The following PRSS12 variants were observed in gnomAD, a reference collection of about 807,000 sequenced individuals.
PRSS12 encodes neurotrypsin.
In PRSS12, 85 loss-of-function variants were observed where a neutral mutation model predicts 104.4. That is an observed-to-expected ratio of 0.81 (90% CI 0.68 to 0.98). The LOEUF is 0.98. PRSS12 is among the 50% of genes least tolerant of loss of function. PRSS12 has a pLI of 0.00. For missense variants in PRSS12, 1,141 were observed against 1,139.2 expected (o/e 1.00, Z -0.02); for synonymous variants, 454 against 425.2 (o/e 1.07, Z -0.83).
intron 7 of PRSS12, among the ~76,000 whole-genome samples, chr4:118,308,987 A>G (rs1430965973): frequency 1.3e-5 from 2 of 152,162 alleles, no homozygotes; most frequent in Non-Finnish European, 2.9e-5. Context: ...CTAGAAGTTT[A>G]TACACCAAAG....
At chr4:118,285,710 T>C (rs1240249446) in intron 11 of PRSS12, among the ~76,000 whole-genome samples, 3 of 152,218 alleles carry the variant, frequency 2.0e-5, no homozygotes, top group Non-Finnish European at 4.4e-5. Flanking sequence ...GAATATTAAA[T>C]ATCTCAACTT....
intron 1 of PRSS12, among the ~76,000 whole-genome samples, chr4:118,348,681 C>T (rs1017111241): frequency 1.4e-5 from 2 of 142,456 alleles, no homozygotes; most frequent in Admixed American, 7.3e-5. Flanking sequence ...GACAGAGTTT[C>T]GCTCTTGTTG....
In PRSS12 at chr4:118,318,412, T is replaced by G; in HGVS notation, c.1116A>C (p.Lys372Asn). ...SSWGEHNCGH[K>N]EDAGVSCTPL... ...GGGTACAGGACACTCCAGCATCTTC[T>G]TTATGGCCACAGTTATGCTCTCCCC... The change falls in exon 5 of 13, where the codon AAA (lysine) becomes AAC (asparagine). Residue 372 changes from lysine (K) to asparagine (N), a missense_variant. Coordinates refer to ENST00000296498, the MANE Select transcript of PRSS12 (RefSeq NM_003619.4). The G allele has an allele frequency of 6.2e-7, 1 of 1,614,094 alleles. No homozygotes were observed. The highest frequency in any genetic ancestry group is 8.5e-7 in the Non-Finnish European group (1 of 1,179,976).
chr4:118,341,631 G>A (rs1035373044), intron 1 of PRSS12, among the ~76,000 whole-genome samples: 2 of 150,242 alleles, frequency 1.3e-5, no homozygotes, highest in South Asian at 2.1e-4. Flanking sequence ...GCGGCGAGCC[G>A]AGATCTCACC....
At chr4:118,288,031 A>G (rs1394240747) in intron 11 of PRSS12, among the ~76,000 whole-genome samples, 3 of 152,222 alleles carry the variant, frequency 2.0e-5, no homozygotes, top group African/African-American at 7.2e-5. Context: ...AACAACAACA[A>G]CAAATTACTA....
intron 11 of PRSS12, among the ~76,000 whole-genome samples, chr4:118,285,439 G>A (rs1010309952): frequency 2.6e-5 from 4 of 152,156 alleles, no homozygotes; most frequent in Middle Eastern, 3.4e-3. Flanking sequence ...AACCCCAAAT[G>A]ATTTAACACT....
chr4:118,314,511 A>G (rs1743850196), intron 6 of PRSS12, among the ~76,000 whole-genome samples: 1 of 152,100 alleles, frequency 6.6e-6, no homozygotes, highest in Admixed American at 6.6e-5. Flanking sequence ...AATACATTAG[A>G]TTATCATCTG....
rs1724560015 is a variant in PRSS12, at chr4:118,352,794, G to T, written c.-74C>A. 6.3e-7 allele frequency: 1 copy of T among 1,579,728 alleles called. No individual in the cohort carries two copies. Among genetic ancestry groups the T allele is most frequent in the Non-Finnish European group, 8.6e-7 (1 of 1,167,080 alleles). On this transcript the variant is annotated 5_prime_UTR_variant, in exon 1 of 13. Coordinates refer to ENST00000296498, the MANE Select transcript of PRSS12 (RefSeq NM_003619.4). ...TGGAGCGGAGAAGAGGAGGGGGCGG[G>T]GGCGGGGCTGCCGCGTCCCTCGAAT...
chr4:118,344,052 AG>A (rs1449945144), intron 1 of PRSS12, among the ~76,000 whole-genome samples: 1 of 152,206 alleles, frequency 6.6e-6, no homozygotes. Flanking sequence ...CTAGTGGAAT[AG>A]AAAGAATGCA....
intron 1 of PRSS12, among the ~76,000 whole-genome samples, chr4:118,339,251 T>C (rs1432996345): frequency 6.6e-6 from 1 of 152,158 alleles, no homozygotes; most frequent in African/African-American, 2.4e-5. Flanking sequence ...AAGAATTGCA[T>C]AAAATTCTGT....
chr4:118,326,262 C>T (rs1723767335), intron 4 of PRSS12, among the ~76,000 whole-genome samples: 1 of 152,168 alleles, frequency 6.6e-6, no homozygotes, highest in Non-Finnish European at 1.5e-5. Context: ...TCCTAGATTA[C>T]TCTCTAGAAA....
intron 8 of PRSS12, among the ~76,000 whole-genome samples, chr4:118,299,785 AAAATAAAAT>A (rs1229410018): frequency 7.2e-5 from 7 of 97,644 alleles, no homozygotes; most frequent in East Asian, 2.4e-4. Context: ...AAAATAAAAT[AAAATAAAAT>A]AAATAAAATA....
intron 4 of PRSS12, among the ~76,000 whole-genome samples, chr4:118,323,180 C>T (rs1251321363): frequency 1.3e-5 from 2 of 151,996 alleles, no homozygotes; most frequent in Non-Finnish European, 2.9e-5. Context: ...ACTTAGAGAA[C>T]ACTGAGAGTT....
chr4:118,310,040 A>G (rs1743666416), intron 7 of PRSS12, among the ~76,000 whole-genome samples: 1 of 152,128 alleles, frequency 6.6e-6, no homozygotes, highest in Admixed American at 6.6e-5. Context: ...TGGCGTGCCA[A>G]CTCTATGTAT....
chr4:118,351,557 C>A (rs1332174808), intron 1 of PRSS12, among the ~76,000 whole-genome samples: 1 of 152,076 alleles, frequency 6.6e-6, no homozygotes, highest in Non-Finnish European at 1.5e-5. Context: ...CTGTGTATAA[C>A]TATATTAAGT....
intron 11 of PRSS12, among the ~76,000 whole-genome samples, chr4:118,285,626 A>G (rs1178244425): frequency 6.6e-6 from 1 of 152,206 alleles, no homozygotes; most frequent in East Asian, 1.9e-4. Flanking sequence ...AGATGTGCTG[A>G]AAGTACAAAA....
chr4:118,318,167 CTATA>C (rs1179606519), intron 5 of PRSS12, among the ~76,000 whole-genome samples: 12 of 152,126 alleles, frequency 7.9e-5, no homozygotes, highest in Non-Finnish European at 4.4e-5. Flanking sequence ...CTTTACAAGA[CTATA>C]TAGCCTTAAA....
intron 8 of PRSS12, among the ~76,000 whole-genome samples, chr4:118,307,067 T>C (rs1379113491): frequency 6.6e-6 from 1 of 151,458 alleles, no homozygotes; most frequent in Non-Finnish European, 1.5e-5. Context: ...ACAAGAATAA[T>C]TTTTTTTTCA....
At chr4:118,314,821 A>T (rs1345151393) in intron 6 of PRSS12, among the ~76,000 whole-genome samples, 2 of 152,030 alleles carry the variant, frequency 1.3e-5, no homozygotes, top group African/African-American at 4.8e-5. Context: ...TAATAAAAAA[A>T]TATGAAAAAT....
Sources: allele counts gnomAD v4.1 joint callset (sites outside exome capture counted in the v4.1 genomes callset), GRCh38; gene constraint gnomAD v4.1.1; transcripts MANE v1.5; gene names NCBI Gene and HGNC (gene_info 2026-07-23, HGNC 2026-07-21).